Variants in TXNDC16 observed in about 807,000 individuals in gnomAD.
TXNDC16 encodes the protein thioredoxin domain-containing protein 16.
In TXNDC16, 74 loss-of-function variants were observed where a neutral mutation model predicts 85.6. The observed-to-expected ratio is 0.86, with a 90% confidence interval of 0.72 to 1.05. The LOEUF (loss-of-function observed/expected upper bound fraction) is 1.05, where lower values mean the gene tolerates loss of function less well. TXNDC16 is among the 50% of genes least tolerant of loss of function. The probability of loss-of-function intolerance (pLI) is 0.00; values close to 1 mark genes in which losing one functional copy is unlikely to be tolerated. For synonymous variants in TXNDC16, 335 were observed against 326.5 expected, an observed-to-expected ratio of 1.03 and a Z score of -0.28; for missense variants, 959 against 947.0, an observed-to-expected ratio of 1.01 and a Z score of -0.17.
intron 1 of TXNDC16, among the ~76,000 whole-genome samples, chr14:52,546,562 G>C (rs576846749): frequency 1.1e-3 from 160 of 152,306 alleles, no homozygotes; most frequent in Non-Finnish European, 1.9e-3. Context: ...GGCAGTTAGT[G>C]TTAATAAAGC....
chr14:52,530,429 AATAATATATAAT>A (rs2037509916), intron 6 of TXNDC16, among the ~76,000 whole-genome samples: 6 of 17,988 alleles, frequency 3.3e-4, no homozygotes, highest in East Asian at 3.6e-3. Flanking sequence ...TATTATATAT[AATAATATATAAT>A]ATATTATTAT....
chr14:52,510,719 C>G (rs1293003157), intron 9 of TXNDC16, among the ~76,000 whole-genome samples: 1 of 152,200 alleles, frequency 6.6e-6, no homozygotes, highest in Non-Finnish European at 1.5e-5. Flanking sequence ...CAACACAACC[C>G]TTCAACTTTT....
At chr14:52,501,376 C>CA (rs1481460292) in intron 9 of TXNDC16, among the ~76,000 whole-genome samples, 3 of 152,024 alleles carry the variant, frequency 2.0e-5, no homozygotes, top group Non-Finnish European at 4.4e-5. Context: ...ATGCCGTTTA[C>CA]AAAAAAGCCT....
chr14:52,491,032 G>C, intron 9 of TXNDC16, 27 bp from the exon 10 acceptor site: 1 of 1,191,142 alleles, frequency 8.4e-7, no homozygotes, highest in Non-Finnish European at 1.2e-6. Context: ...AAAAAAAAAA[G>C]GTGTGATAAC....
intron 16 of TXNDC16, among the ~76,000 whole-genome samples, chr14:52,465,977 G>A (rs1313497970): frequency 6.6e-6 from 1 of 152,116 alleles, no homozygotes; most frequent in Non-Finnish European, 1.5e-5. Flanking sequence ...GTTAATGGTA[G>A]AATCTAGGTG....
intron 12 of TXNDC16, among the ~76,000 whole-genome samples, chr14:52,484,199 G>GA (rs1555337214): frequency 2.7e-3 from 108 of 39,968 alleles, no homozygotes; most frequent in Non-Finnish European, 5.0e-3. Context: ...AAAACAATAA[G>GA]GGGGGGGGGT....
intron 15 of TXNDC16, 130 bp from the exon 16 acceptor site, chr14:52,470,303 ATAT>A (rs2035876556): frequency 3.3e-6 from 3 of 921,680 alleles, no homozygotes; most frequent in Non-Finnish European, 4.6e-6. Flanking sequence ...AGAAAATTAA[ATAT>A]TATTCTTAAA....
chr14:52,438,252 A>T (rs1385563929), intron 20 of TXNDC16, among the ~76,000 whole-genome samples: 1 of 152,212 alleles, frequency 6.6e-6, no homozygotes, highest in Non-Finnish European at 1.5e-5. Context: ...TTTTGAAAGA[A>T]GTTCTACTGT....
rs147957260 is a variant in TXNDC16, at chr14:52,477,259, T to C, written c.1312+4971A>G. ...AATCTCACAGGACCGACAAAACAGA[T>C]ACAATTTTTTTAAAATGGTATACAG... On this transcript the variant is annotated intron_variant, in intron 14 of 20. Transcript: ENST00000281741. 4.3e-3 allele frequency among the ~76,000 whole-genome samples: 655 copies of C among 151,804 alleles called. 10 individuals are homozygous for C. The highest frequency in any genetic ancestry group is 0.015 in the African/African-American group (627 of 41,464).
chr14:52,504,564 A>C (rs889132369), intron 9 of TXNDC16, among the ~76,000 whole-genome samples: 13 of 152,240 alleles, frequency 8.5e-5, no homozygotes, highest in Non-Finnish European at 1.9e-4. Flanking sequence ...AGAGCTCCTG[A>C]AGGAAGCAAT....
At chr14:52,441,135 T>C (rs1478527058) in intron 18 of TXNDC16, among the ~76,000 whole-genome samples, 1 of 152,176 alleles carries the variant, frequency 6.6e-6, no homozygotes, top group Non-Finnish European at 1.5e-5. Flanking sequence ...ACATCTATCA[T>C]TACTTAATAA....
At chr14:52,536,690 A>G (rs1384271148) in intron 6 of TXNDC16, 29 bp downstream of exon 6, 1 of 1,549,966 alleles carries the variant, frequency 6.5e-7, no homozygotes, top group Non-Finnish European at 8.8e-7. Flanking sequence ...TAACAAGTAA[A>G]CAAATGAATG....
intron 6 of TXNDC16, among the ~76,000 whole-genome samples, chr14:52,530,703 TA>T (rs928260754): frequency 2.1e-5 from 3 of 139,968 alleles, no homozygotes; most frequent in Non-Finnish European, 4.5e-5. Flanking sequence ...ATAAGATGTA[TA>T]TTTTTTACAT....
intron 6 of TXNDC16, among the ~76,000 whole-genome samples, chr14:52,530,434 TA>T (rs2037511080): frequency 6.2e-4 from 10 of 16,178 alleles, no homozygotes; most frequent in East Asian, 5.6e-3. Context: ...TATATAATAA[TA>T]TATAATATAT....
At chr14:52,511,151 TAAC>T (rs1253322415) in intron 9 of TXNDC16, 86 bp downstream of exon 9, 2 of 1,214,368 alleles carry the variant, frequency 1.6e-6, no homozygotes, top group African/African-American at 3.1e-5. Context: ...AATCAAAACT[TAAC>T]AAATTTTATG....
intron 20 of TXNDC16, among the ~76,000 whole-genome samples, chr14:52,438,529 C>T (rs10142458): frequency 0.12 from 18,157 of 152,146 alleles, 1,213 homozygotes; most frequent in Non-Finnish European, 0.15. Context: ...ACGGTAAAAA[C>T]ATTTTTTAGA....
intron 14 of TXNDC16, among the ~76,000 whole-genome samples, chr14:52,472,476 G>A (rs981591927): frequency 3.9e-5 from 6 of 152,100 alleles, no homozygotes; most frequent in Non-Finnish European, 8.8e-5. Context: ...GATCACAGGC[G>A]TGAGCCACCG....
chr14:52,523,389 C>T (rs1201182955), intron 6 of TXNDC16, among the ~76,000 whole-genome samples: 1 of 152,098 alleles, frequency 6.6e-6, no homozygotes, highest in Non-Finnish European at 1.5e-5. Context: ...TTTAGAGCAG[C>T]AAGCAACTCA....
chr14:52,475,492 A>T (rs1290002471), intron 14 of TXNDC16, among the ~76,000 whole-genome samples: 1 of 152,134 alleles, frequency 6.6e-6, no homozygotes, highest in East Asian at 1.9e-4. Context: ...GCACAGTGGA[A>T]GTGAGACTGG....
Sources: gnomAD v4.1 joint callset for allele counts (sites outside exome capture counted in the v4.1 genomes callset) on GRCh38, gnomAD v4.1.1 for gene constraint, MANE v1.5 for transcripts, NCBI Gene and HGNC (gene_info 2026-07-23, HGNC 2026-07-21) for gene names.